Variants in PCDHA1 observed in about 807,000 individuals in gnomAD.
PCDHA1 encodes the protein protocadherin alpha 1.
In PCDHA1, 42 loss-of-function variants were observed where a neutral mutation model predicts 61.3. That is an observed-to-expected ratio of 0.69 (90% CI 0.54 to 0.89). The LOEUF is 0.89. Ranked by LOEUF, PCDHA1 falls within the 40% of genes least tolerant of loss-of-function variation. The pLI is 0.00. For synonymous variants in PCDHA1, 610 were observed against 553.8 expected (o/e 1.10, Z -1.43); for missense variants, 1,256 against 1,235.3 (o/e 1.02, Z -0.25).
At chr5:140,862,330 T>A in intron 1 of PCDHA1, 1 of 326,684 alleles carries the variant, frequency 3.1e-6, no homozygotes, top group Non-Finnish European at 6.0e-6. Flanking sequence ...TCAGTGTAAT[T>A]GACCCTAACT....
chr5:140,898,999 A>G (rs2067088188), intron 1 of PCDHA1, among the ~76,000 whole-genome samples: 2 of 151,690 alleles, frequency 1.3e-5, no homozygotes, highest in African/African-American at 4.8e-5. Context: ...TTTGTCTGTT[A>G]TTGGTGTATA....
At chr5:140,849,958 C>T in intron 1 of PCDHA1, 1 of 1,597,890 alleles carries the variant, frequency 6.3e-7, no homozygotes, top group South Asian at 1.1e-5. Context: ...CAGGAGAACG[C>T]CCTGGTGTCC....
rs184648626 is a variant in PCDHA1, at chr5:140,812,236, T to C, written c.2394+23552T>C. The stretch of plus-strand genomic sequence containing the variant: ...GTTTAGATTTTTTATGATTATGTCT[T>C]GGTAGTTTGTATGTTTCTAGGAATT... On this transcript the variant is annotated intron_variant, in intron 1 of 3. Transcript: ENST00000504120. 1.3e-3 allele frequency: 195 copies of C among 152,146 alleles called. 1 individual carries two copies. Among genetic ancestry groups the C allele is most frequent in the African/African-American group, 4.2e-3 (176 of 41,522 alleles). 9.4% of individuals were successfully genotyped at this position (152,146 alleles called of 1,614,324 possible). A position where few individuals can be genotyped will look rare whatever the true frequency, so the allele number is the denominator to read the frequency against.
intron 1 of PCDHA1, among the ~76,000 whole-genome samples, chr5:140,959,240 G>A (rs1554223957): frequency 1.3e-5 from 2 of 152,074 alleles, no homozygotes; most frequent in African/African-American, 4.8e-5. Flanking sequence ...ATCTGGGCAT[G>A]ATAGTGCATG....
chr5:140,912,445 A>C (rs1165607499), intron 1 of PCDHA1, among the ~76,000 whole-genome samples: 1 of 151,772 alleles, frequency 6.6e-6, no homozygotes, highest in African/African-American at 2.4e-5. Flanking sequence ...ATTTGTGTGC[A>C]TTGATTTTGT....
intron 1 of PCDHA1, chr5:140,858,192 T>A: frequency 6.3e-7 from 1 of 1,597,272 alleles, no homozygotes; most frequent in Non-Finnish European, 8.6e-7. Context: ...ACGCTGCTGC[T>A]GTACACTGCA....
At chr5:140,873,078 T>A (rs1375879471) in intron 1 of PCDHA1, among the ~76,000 whole-genome samples, 19 of 152,184 alleles carry the variant, frequency 1.2e-4, no homozygotes, top group Admixed American at 9.2e-4. Flanking sequence ...ATCTAGCTAT[T>A]TCCCCCCCGT....
intron 1 of PCDHA1, chr5:140,809,023 G>A (rs1764335154): frequency 1.2e-6 from 2 of 1,613,728 alleles, no homozygotes; most frequent in East Asian, 4.5e-5. Context: ...ACGAGCTGCA[G>A]CCGGGGACTG....
rs1554151138 is a variant in PCDHA1, at chr5:140,858,086, C to A, written c.2394+69402C>A. The A allele has an allele frequency of 2.5e-6, 4 of 1,597,802 alleles. 1 individual carries two copies. Among genetic ancestry groups the A allele is most frequent in the Non-Finnish European group, 2.6e-6 (3 of 1,167,670 alleles). On this transcript the variant is annotated intron_variant, in intron 1 of 3. Transcript: ENST00000504120. The stretch of plus-strand genomic sequence containing the variant: ...CAGCCAGGCACCCAAGGCCTCGTCG[C>A]GGGCTTCAGTGGGCGTGGCGCCCGA...
At chr5:140,913,160 G>A (rs1437493261) in intron 1 of PCDHA1, among the ~76,000 whole-genome samples, 2 of 152,274 alleles carry the variant, frequency 1.3e-5, no homozygotes, top group East Asian at 3.9e-4. Flanking sequence ...AGTAGGATTG[G>A]TATTAGTTCT....
intron 1 of PCDHA1, chr5:140,969,231 C>A (rs782084659): frequency 6.2e-7 from 1 of 1,614,110 alleles, no homozygotes; most frequent in Non-Finnish European, 8.5e-7. Context: ...CCTTCGGGAG[C>A]CCAAGCAGCA....
In PCDHA1 at chr5:140,882,158, C is replaced by T. The variant is rs2058980027; in HGVS notation, c.2394+93474C>T. ...GAAAATATAGCAGAAAGCGGAATAC[C>T]TCTTGCGAATCCTTCCGCACTAGGA... On this transcript the variant is annotated intron_variant, in intron 1 of 3. Coordinates refer to ENST00000504120, the MANE Select transcript of PCDHA1 (RefSeq NM_018900.4). The T allele has an allele frequency of 4.6e-6, 7 of 1,507,380 alleles. No homozygotes were observed. The South Asian group carries it at 8.2e-5, about 18-fold the overall frequency. 93.4% of individuals were successfully genotyped at this position (1,507,380 alleles called of 1,614,324 possible). A position where few individuals can be genotyped will look rare whatever the true frequency, so the allele number is the denominator to read the frequency against.
intron 1 of PCDHA1, chr5:140,862,894 T>A (rs251369): frequency 0.66 from 367,469 of 559,470 alleles, 121,120 homozygotes; most frequent in Middle Eastern, 0.71. Flanking sequence ...AACGACAACT[T>A]TGTCTGCGCT....
rs1462764452 is a variant in PCDHA1 at position 140,803,939 on chromosome 5, C to G, written c.2394+15255C>G. 1.3e-5 allele frequency: 5 copies of G among 397,924 alleles called. No individual in the cohort carries two copies. In the South Asian group the frequency reaches 1.8e-4, roughly 15 times the overall value. 24.6% of individuals were successfully genotyped at this position (397,924 alleles called of 1,614,324 possible). A position where few individuals can be genotyped will look rare whatever the true frequency, so the allele number is the denominator to read the frequency against. ...GACTTGTTTTATACTTATCCCTATA[C>G]AATGCTTCTTCAATATCTTTTGCCA... On this transcript the variant is annotated intron_variant, in intron 1 of 3. Coordinates refer to ENST00000504120, the MANE Select transcript of PCDHA1 (RefSeq NM_018900.4).
chr5:141,011,890 A>G lies in PCDHA1; in HGVS notation c.*1953A>G, dbSNP rs7701616. 0.061 allele frequency: 9,307 copies of G among 153,488 alleles called. 355 individuals carry two copies. The highest frequency in any genetic ancestry group is 0.11 in the South Asian group (541 of 4,828). The allele number at this position is 153,488 out of a possible 1,614,324, so 9.5% of individuals were successfully genotyped here. On this transcript the variant is annotated 3_prime_UTR_variant, in exon 4 of 4. Coordinates refer to ENST00000504120, the MANE Select transcript of PCDHA1 (RefSeq NM_018900.4). ...GTACAATTTAGAAGTTTGATTAATT[A>G]TATTATCTATTTAGGCATTAATATA... is the stretch of plus-strand genomic sequence containing the variant.
intron 1 of PCDHA1, chr5:140,875,436 A>G (rs782083459): frequency 6.4e-7 from 1 of 1,564,660 alleles, no homozygotes; most frequent in Non-Finnish European, 8.6e-7. Flanking sequence ...ATCCCTTAAA[A>G]CTGATTGTCC....
intron 1 of PCDHA1, among the ~76,000 whole-genome samples, chr5:140,959,109 G>A (rs1401809702): frequency 1.3e-5 from 2 of 152,040 alleles, no homozygotes; most frequent in African/African-American, 4.8e-5. Context: ...GCAGGGGTCC[G>A]AAGGTGGGCG....
intron 1 of PCDHA1, chr5:140,805,622 T>G: frequency 1.1e-6 from 1 of 915,270 alleles, no homozygotes; most frequent in Non-Finnish European, 1.3e-6. Context: ...TGTAAGAAAA[T>G]GTATTGTGGT....
At chr5:140,976,011 C>A (rs983997714) in intron 1 of PCDHA1, among the ~76,000 whole-genome samples, 10 of 152,230 alleles carry the variant, frequency 6.6e-5, no homozygotes, top group Admixed American at 1.3e-4. Flanking sequence ...TATTAAAGAA[C>A]TAAATAATCA....
Sources: gnomAD v4.1 joint callset for allele counts (sites outside exome capture counted in the v4.1 genomes callset) on GRCh38, gnomAD v4.1.1 for gene constraint, MANE v1.5 for transcripts, NCBI Gene and HGNC (gene_info 2026-07-23, HGNC 2026-07-21) for gene names.